Variants in SPATS2L observed in about 807,000 individuals in gnomAD.
SPATS2L encodes SPATS2-like protein.
A neutral mutation model predicts 59.6 loss-of-function variants in SPATS2L; 30 were observed. The ratio of observed to expected loss-of-function variants is 0.50; its 90% CI spans 0.38 to 0.68. SPATS2L has a LOEUF of 0.68. Ranked by LOEUF, SPATS2L falls within the 30% of genes least tolerant of loss-of-function variation. The pLI is 0.00. For missense variants in SPATS2L, 615 were observed against 700.0 expected (o/e 0.88, Z 1.37); for synonymous variants, 252 against 263.5 (o/e 0.96, Z 0.42).
At chr2:200,310,094 T>C (rs1411742602) in intron 1 of SPATS2L, among the ~76,000 whole-genome samples, 1 of 152,240 alleles carries the variant, frequency 6.6e-6, no homozygotes, top group African/African-American at 2.4e-5. Context: ...TCTTTGTCTC[T>C]AGTACTGATC....
At chr2:200,370,361 C>T (rs2081390279) in intron 2 of SPATS2L, among the ~76,000 whole-genome samples, 1 of 151,980 alleles carries the variant, frequency 6.6e-6, no homozygotes, top group Non-Finnish European at 1.5e-5. Flanking sequence ...TTCATCAACG[C>T]AGTTTTCACA....
intron 2 of SPATS2L, among the ~76,000 whole-genome samples, chr2:200,350,592 T>C (rs2080687992): frequency 6.6e-6 from 1 of 152,176 alleles, no homozygotes; most frequent in Admixed American, 6.5e-5. Flanking sequence ...AGTGGCACGA[T>C]CGTTCACTGC....
chr2:200,420,304 T>C (rs1406788783), intron 6 of SPATS2L, among the ~76,000 whole-genome samples: 1 of 152,090 alleles, frequency 6.6e-6, no homozygotes, highest in Non-Finnish European at 1.5e-5. Flanking sequence ...ATAAATCTCA[T>C]GCATAATATA....
intron 8 of SPATS2L, among the ~76,000 whole-genome samples, chr2:200,445,234 G>A (rs1427899028): frequency 6.6e-6 from 1 of 152,128 alleles, no homozygotes; most frequent in Non-Finnish European, 1.5e-5. Context: ...GATCACTGGA[G>A]TCTAGGAAGT....
intron 8 of SPATS2L, among the ~76,000 whole-genome samples, chr2:200,451,586 GGAAGAGCCTTCTAGGCCAAAAACAA>G (rs1257774044): frequency 6.6e-6 from 1 of 152,114 alleles, no homozygotes; most frequent in African/African-American, 2.4e-5. Flanking sequence ...GTGATTGTGG[GGAAGAGCCTTCTAGGCCAAAAACAA>G]GAAGAGCCCC....
chr2:200,353,074 A>G (rs2080795760), intron 2 of SPATS2L, among the ~76,000 whole-genome samples: 1 of 152,228 alleles, frequency 6.6e-6, no homozygotes, highest in African/African-American at 2.4e-5. Flanking sequence ...ATACTCTGGT[A>G]GCAGAATGAC....
intron 9 of SPATS2L, among the ~76,000 whole-genome samples, chr2:200,460,612 G>A (rs539598121): frequency 2.6e-4 from 39 of 151,612 alleles, no homozygotes; most frequent in African/African-American, 8.9e-4. Context: ...TTAGCCGGGC[G>A]TAGTGGTGGG....
intron 3 of SPATS2L, among the ~76,000 whole-genome samples, chr2:200,406,974 T>C (rs1252334549): frequency 6.6e-6 from 1 of 151,996 alleles, no homozygotes; most frequent in African/African-American, 2.4e-5. Context: ...TCTGTGGAGG[T>C]AGGAGGTTCT....
chr2:200,440,802 G>A lies in SPATS2L; in HGVS notation c.788+18G>A. On this transcript the variant is annotated intron_variant, in intron 8 of 12. Coordinates refer to ENST00000409140, the MANE Select transcript of SPATS2L (RefSeq NM_001100423.2). Reference sequence around the variant, plus strand: ...CACAACTGGTGAGTGATTCAACGTAGGAACCATAAATTTGTGATGCTTGAG... The same window carrying A: ...CACAACTGGTGAGTGATTCAACGTAAGAACCATAAATTTGTGATGCTTGAG... The A allele has an allele frequency of 4.3e-6, 7 of 1,610,968 alleles. No homozygotes were observed. Among genetic ancestry groups the A allele is most frequent in the Non-Finnish European group, 5.9e-6 (7 of 1,177,934 alleles).
At chr2:200,437,351 T>C (rs2084367758) in intron 6 of SPATS2L, among the ~76,000 whole-genome samples, 1 of 152,176 alleles carries the variant, frequency 6.6e-6, no homozygotes, top group Admixed American at 6.5e-5. Flanking sequence ...AGTTTTTTAA[T>C]CTTTTACAGT....
intron 12 of SPATS2L, among the ~76,000 whole-genome samples, chr2:200,474,964 A>T (rs529458399): frequency 4.4e-4 from 67 of 152,326 alleles, no homozygotes; most frequent in Non-Finnish European, 8.5e-4. Context: ...GCATGCTGCC[A>T]GTCAGTACTC....
At chr2:200,368,493 G>T (rs1381547536) in intron 2 of SPATS2L, among the ~76,000 whole-genome samples, 4 of 152,176 alleles carry the variant, frequency 2.6e-5, no homozygotes, top group Non-Finnish European at 4.4e-5. Context: ...TAAAGTAAAT[G>T]AAGGAAACTG....
intron 1 of SPATS2L, chr2:200,309,141 T>A (rs1282889223): frequency 1.4e-6 from 1 of 717,422 alleles, no homozygotes; most frequent in Non-Finnish European, 2.6e-6. Context: ...ATATCTCACT[T>A]TGGGGCCTAA....
In SPATS2L at chr2:200,412,302, C is replaced by A. The variant is rs1452328306; in HGVS notation, c.40-9C>A. The A allele has an allele frequency of 3.2e-6, 4 of 1,268,454 alleles. No homozygotes were observed. The highest frequency in any genetic ancestry group is 4.2e-6 in the Non-Finnish European group (4 of 943,938). The allele number at this position is 1,268,454 out of a possible 1,614,324, so 78.6% of individuals were successfully genotyped here. On this transcript the variant is annotated splice_polypyrimidine_tract_variant and intron_variant, in intron 3 of 12. Transcript: ENST00000409140. ...CATTTCTATTTCTTTTTTTTTTTTT[C>A]CTTTACAGATCTATGCAGTTAGATC...
chr2:200,331,818 A>G (rs1160969427), intron 2 of SPATS2L, among the ~76,000 whole-genome samples: 2 of 152,222 alleles, frequency 1.3e-5, no homozygotes, highest in East Asian at 3.8e-4. Context: ...TTGGTAAGAC[A>G]GTGGTCGACC....
intron 3 of SPATS2L, chr2:200,390,939 A>T (rs1033470112): frequency 3.9e-5 from 6 of 151,904 alleles, no homozygotes; most frequent in African/African-American, 1.5e-4. Flanking sequence ...AGGCGGGCAG[A>T]TCGCCTGAGG....
In SPATS2L at chr2:200,375,081, G is replaced by A. The variant is rs1025968241; in HGVS notation, c.-22-14142G>A. Among the ~76,000 whole-genome samples, 7 of 152,220 alleles carry A rather than the reference G, an allele frequency of 4.6e-5. 1 individual carries two copies. The highest frequency in any genetic ancestry group is 2.4e-5 in the African/African-American group (1 of 41,446). On this transcript the variant is annotated intron_variant, in intron 2 of 12. Coordinates refer to ENST00000409140, the MANE Select transcript of SPATS2L (RefSeq NM_001100423.2). ...GCTCCGTGCAAAGTAGAGAGGATGT[G>A]TGTCTGCACTCCATCCTTTTATGCT...
chr2:200,354,809 G>A (rs190388687), intron 2 of SPATS2L, among the ~76,000 whole-genome samples: 1 of 152,008 alleles, frequency 6.6e-6, no homozygotes, highest in Non-Finnish European at 1.5e-5. Context: ...GCGCTTTTTG[G>A]GATACATCAG....
rs1197530135 is a variant in SPATS2L at position 200,481,582 on chromosome 2, GCTTA to G, written c.*3552_*3555del. The G allele has an allele frequency of 6.6e-6, 1 of 152,296 alleles. No individual in the cohort carries two copies. Among genetic ancestry groups the G allele is most frequent in the Admixed American group, 6.5e-5 (1 of 15,288 alleles). 9.4% of individuals were successfully genotyped at this position (152,296 alleles called of 1,614,324 possible). A position where few individuals can be genotyped will look rare whatever the true frequency, so the allele number is the denominator to read the frequency against. ...TTGCACGCTGCATCCCACGCTGCCTGCTTAAAGCGCCCTCATGTGTCTACAGATG... is the reference window on the plus strand; with the variant it reads ...TTGCACGCTGCATCCCACGCTGCCTGAAGCGCCCTCATGTGTCTACAGATG... On this transcript the variant is annotated 3_prime_UTR_variant, in exon 13 of 13. Coordinates refer to ENST00000409140, the MANE Select transcript of SPATS2L (RefSeq NM_001100423.2).
Sources: allele counts gnomAD v4.1 joint callset (sites outside exome capture counted in the v4.1 genomes callset), GRCh38; gene constraint gnomAD v4.1.1; transcripts MANE v1.5; gene names NCBI Gene and HGNC (gene_info 2026-07-23, HGNC 2026-07-21).